ZNRF1: variants seen among roughly 807,000 people sequenced by gnomAD.
ZNRF1 encodes the protein E3 ubiquitin-protein ligase ZNRF1.
Under a neutral mutation model 18.4 loss-of-function variants are expected in ZNRF1, and 3 were observed. That is an observed-to-expected ratio of 0.16 (90% CI 0.07 to 0.42). The LOEUF is 0.42. ZNRF1 is among the 10% of genes least tolerant of loss of function. The probability of loss-of-function intolerance (pLI) is 0.99; values close to 1 mark genes in which losing one functional copy is unlikely to be tolerated. For synonymous variants in ZNRF1, 157 were observed against 144.2 expected, an observed-to-expected ratio of 1.09 and a Z score of -0.64; for missense variants, 310 against 329.8, an observed-to-expected ratio of 0.94 and a Z score of 0.47.
At chr16:75,060,545 C>G (rs1465765150) in intron 1 of ZNRF1, among the ~76,000 whole-genome samples, 4 of 123,702 alleles carry the variant, frequency 3.2e-5, no homozygotes, top group Non-Finnish European at 6.4e-5. Context: ...GTGGTGTGAT[C>G]TCGGCTCACT....
rs749247980 is a variant in ZNRF1, at chr16:74,999,893, C to T, written c.222C>T (p.Pro74=). The T allele has an allele frequency of 1.3e-6, 2 of 1,541,644 alleles. No homozygotes were observed. The change falls in exon 1 of 5, where the codon CCC becomes CCT. Residue 74 remains proline, a synonymous_variant. Coordinates refer to ENST00000335325, the MANE Select transcript of ZNRF1 (RefSeq NM_032268.5). ...GGGTGCCCTTTGGCCTCTACACCCC[C>T]GCCTCCCGGGGCACCGGCGACTCCG... ...AGGVPFGLYT[P]ASRGTGDSER...
At chr16:75,060,216 G>T (rs1482760972) in intron 1 of ZNRF1, among the ~76,000 whole-genome samples, 2 of 151,724 alleles carry the variant, frequency 1.3e-5, no homozygotes, top group Non-Finnish European at 2.9e-5. Context: ...ACCACACCTG[G>T]CTAATTTTTG....
chr16:75,103,066 G>A (rs144961763), intron 2 of ZNRF1, among the ~76,000 whole-genome samples: 16 of 152,252 alleles, frequency 1.1e-4, no homozygotes, highest in Non-Finnish European at 1.0e-4. Context: ...CTGGGCCTGC[G>A]CGTGAGAAGA....
At chr16:75,072,608 C>T (rs1278541285) in intron 1 of ZNRF1, among the ~76,000 whole-genome samples, 3 of 152,142 alleles carry the variant, frequency 2.0e-5, no homozygotes, top group Non-Finnish European at 2.9e-5. Context: ...GAGACAGTAA[C>T]GTATGCACAA....
intron 4 of ZNRF1, chr16:75,107,524 G>A (rs1208744632): frequency 8.8e-6 from 3 of 342,782 alleles, no homozygotes; most frequent in Non-Finnish European, 5.8e-6. Context: ...CTGATGACAA[G>A]GGGAGAAGAA....
chr16:75,009,402 C>T (rs1053990680), intron 1 of ZNRF1, among the ~76,000 whole-genome samples: 3 of 152,140 alleles, frequency 2.0e-5, no homozygotes, highest in Non-Finnish European at 4.4e-5. Flanking sequence ...TGTGGCTGTC[C>T]TATTTCACTT....
At chr16:75,025,934 T>A (rs74026656) in intron 1 of ZNRF1, among the ~76,000 whole-genome samples, 163 of 152,272 alleles carry the variant, frequency 1.1e-3, no homozygotes, top group African/African-American at 3.3e-3. Context: ...TAGTCATGGG[T>A]CTGCACTCAG....
At chr16:75,083,202 C>T (rs2036035698) in intron 1 of ZNRF1, among the ~76,000 whole-genome samples, 1 of 152,176 alleles carries the variant, frequency 6.6e-6, no homozygotes, top group Non-Finnish European at 1.5e-5. Flanking sequence ...GACAGATTTA[C>T]CAGCAAGCTT....
At position 75,030,833 on chromosome 16, in the gene ZNRF1, C is replaced by CTTTTTTTTTTT. The variant is rs59468839; in HGVS notation, c.424+30750_424+30760dup. Among the ~76,000 whole-genome samples, 14 of 91,410 alleles carry CTTTTTTTTTTT rather than the reference C, an allele frequency of 1.5e-4. 1 individual carries two copies. Among genetic ancestry groups the CTTTTTTTTTTT allele is most frequent in the African/African-American group, 2.5e-4 (7 of 27,714 alleles). 60.0% of individuals were successfully genotyped at this position (91,410 alleles called of 152,430 possible). A position where few individuals can be genotyped will look rare whatever the true frequency, so the allele number is the denominator to read the frequency against. ...CATTGTAGCATGCAGCACTTTATTC[C>CTTTTTTTTTTT]TTTTTTTTTTTTTTTTTTTTTTGTT... On this transcript the variant is annotated intron_variant, in intron 1 of 4. Transcript: ENST00000335325.
chr16:75,072,518 G>C (rs868488319), intron 1 of ZNRF1, among the ~76,000 whole-genome samples: 2 of 152,196 alleles, frequency 1.3e-5, no homozygotes, highest in Admixed American at 1.3e-4. Flanking sequence ...GTACTGTTCA[G>C]TGTCCAGTCC....
Position 75,076,511 on chromosome 16 carries a change from T to G in ZNRF1, c.425-17061T>G, listed in dbSNP as rs1367567570. ...GAGAAATTATATTTGTTTTGCCATTTTCCTTACAACTTAATAACTAGAATA... is the reference window on the plus strand; with the variant it reads ...GAGAAATTATATTTGTTTTGCCATTGTCCTTACAACTTAATAACTAGAATA... On this transcript the variant is annotated intron_variant, in intron 1 of 4. Transcript: ENST00000335325. Among the ~76,000 whole-genome samples the G allele has an allele frequency of 2.6e-5, 4 of 152,028 alleles. No individual in the cohort carries two copies. The East Asian group carries it at 7.9e-4, about 30-fold the overall frequency.
chr16:75,026,366 C>T (rs1283629070), intron 1 of ZNRF1, among the ~76,000 whole-genome samples: 1 of 151,894 alleles, frequency 6.6e-6, no homozygotes, highest in African/African-American at 2.4e-5. Context: ...GAAGTTGAAC[C>T]CATTACCCAA....
chr16:75,103,243 C>T (rs1357418058), intron 2 of ZNRF1, among the ~76,000 whole-genome samples: 2 of 152,194 alleles, frequency 1.3e-5, no homozygotes, highest in East Asian at 3.8e-4. Flanking sequence ...AAGTAGCTTC[C>T]TTCCATTCCT....
intron 1 of ZNRF1, among the ~76,000 whole-genome samples, chr16:75,073,829 G>T (rs575257773): frequency 4.6e-5 from 7 of 152,064 alleles, no homozygotes; most frequent in East Asian, 1.9e-4. Context: ...TGAGGATTTC[G>T]CTAGGAAATA....
chr16:75,010,711 G>GTTTTTTTTTTTTTTTTTT lies in ZNRF1; in HGVS notation c.424+10623_424+10624insTTTTTTTTTTTTTTTTTT, dbSNP rs67210395. ...CCTCTGTACTGTACTGTTTTTTTTT[G>GTTTTTTTTTTTTTTTTTT]TTTTTTTGTTTTTTTTTTTTTGAGG... is the stretch of plus-strand genomic sequence containing the variant. On this transcript the variant is annotated intron_variant, in intron 1 of 4. Coordinates refer to ENST00000335325, the MANE Select transcript of ZNRF1 (RefSeq NM_032268.5). 3.8e-4 allele frequency among the ~76,000 whole-genome samples: 28 copies of GTTTTTTTTTTTTTTTTTT among 74,342 alleles called. 1 individual carries two copies. The highest frequency in any genetic ancestry group is 7.8e-4 in the African/African-American group (20 of 25,802). The allele number at this position is 74,342 out of a possible 152,430, so 48.8% of individuals were successfully genotyped here.
At chr16:75,103,224 C>T (rs2036273351) in intron 2 of ZNRF1, among the ~76,000 whole-genome samples, 2 of 152,322 alleles carry the variant, frequency 1.3e-5, no homozygotes, top group Middle Eastern at 6.8e-3. Context: ...AGTGGGTTCC[C>T]ATGGGTGCAA....
intron 2 of ZNRF1, among the ~76,000 whole-genome samples, chr16:75,103,857 C>T (rs913478186): frequency 1.1e-4 from 16 of 152,002 alleles, no homozygotes; most frequent in African/African-American, 3.6e-4. Context: ...TGGTGGTGGG[C>T]GCCTGTAATC....
intron 1 of ZNRF1, among the ~76,000 whole-genome samples, chr16:75,043,462 A>T (rs1017692607): frequency 1.3e-5 from 2 of 152,176 alleles, no homozygotes; most frequent in African/African-American, 4.8e-5. Flanking sequence ...GCTGCCTTCC[A>T]AAACTGTACA....
rs1460756382 is a variant in ZNRF1, at chr16:75,107,822, C to T, written c.*122C>T. 1 of 456,506 alleles carries T rather than the reference C, an allele frequency of 2.2e-6. No individual in the cohort carries two copies. Among genetic ancestry groups the T allele is most frequent in the South Asian group, 1.5e-5 (1 of 64,562 alleles). 28.3% of individuals were successfully genotyped at this position (456,506 alleles called of 1,614,324 possible). On this transcript the variant is annotated 3_prime_UTR_variant, in exon 5 of 5. Coordinates refer to ENST00000335325, the MANE Select transcript of ZNRF1 (RefSeq NM_032268.5). ...CACCAGCGGGAACAGGGCACCCCTTCTGCACTGACTTCCAGATCATGGTTC... is the reference window on the plus strand; with the variant it reads ...CACCAGCGGGAACAGGGCACCCCTTTTGCACTGACTTCCAGATCATGGTTC...
Sources: allele counts gnomAD v4.1 joint callset (sites outside exome capture counted in the v4.1 genomes callset), GRCh38; gene constraint gnomAD v4.1.1; transcripts MANE v1.5; gene names NCBI Gene and HGNC (gene_info 2026-07-23, HGNC 2026-07-21).